SLC28A3: variants seen among roughly 807,000 people sequenced by gnomAD.
SLC28A3 encodes the protein concentrative Na(+)-nucleoside cotransporter 3.
Under a neutral mutation model 84.2 loss-of-function variants are expected in SLC28A3, and 68 were observed. The ratio of observed to expected loss-of-function variants is 0.81; its 90% CI spans 0.66 to 0.99. SLC28A3 has a LOEUF of 0.99. Ranked by LOEUF, SLC28A3 falls within the 50% of genes least tolerant of loss-of-function variation. The probability of loss-of-function intolerance (pLI) is 0.00; values close to 1 mark genes in which losing one functional copy is unlikely to be tolerated. For synonymous variants in SLC28A3, 267 were observed against 303.6 expected, an observed-to-expected ratio of 0.88 and a Z score of 1.25; for missense variants, 712 against 841.5, an observed-to-expected ratio of 0.85 and a Z score of 1.90.
chr9:84,317,719 G>T (rs11140518), intron 1 of SLC28A3, among the ~76,000 whole-genome samples: 16,148 of 152,180 alleles, frequency 0.11, 1,146 homozygotes, highest in East Asian at 0.36. Flanking sequence ...CTTGCTTCTT[G>T]TGGGAATGGA....
At chr9:84,319,486 G>C (rs1357094053) in intron 1 of SLC28A3, among the ~76,000 whole-genome samples, 1 of 152,074 alleles carries the variant, frequency 6.6e-6, no homozygotes, top group African/African-American at 2.4e-5. Context: ...GCAACATGGT[G>C]AACCCTTGTC....
chr9:84,292,170 T>G (rs1010636073), intron 10 of SLC28A3, among the ~76,000 whole-genome samples: 4 of 152,226 alleles, frequency 2.6e-5, no homozygotes, highest in Admixed American at 1.3e-4. Flanking sequence ...TTTCTTGGTC[T>G]CCTCCATTGC....
the SLC28A3 span, among the ~76,000 whole-genome samples, chr9:84,350,002 C>T: frequency 3.9e-5 from 6 of 152,212 alleles, no homozygotes; most frequent in East Asian, 1.9e-4. Context: ...TAGCCTAAAA[C>T]ACACCTAGGT....
At chr9:84,355,142 T>G in the SLC28A3 span, among the ~76,000 whole-genome samples, 7 of 152,088 alleles carry the variant, frequency 4.6e-5, no homozygotes, top group African/African-American at 1.7e-4. Context: ...GGAGCCAAAT[T>G]CACAGTGTGC....
the SLC28A3 span, among the ~76,000 whole-genome samples, chr9:84,346,044 T>C: frequency 6.6e-6 from 1 of 152,230 alleles, no homozygotes; most frequent in African/African-American, 2.4e-5. Context: ...AGAAATAGCT[T>C]GTGCCAAGAA....
At chr9:84,333,307 G>A (rs1826854865) in intron 1 of SLC28A3, among the ~76,000 whole-genome samples, 1 of 152,120 alleles carries the variant, frequency 6.6e-6, no homozygotes, top group South Asian at 2.1e-4. Flanking sequence ...GAATTTCCTT[G>A]TGGGCAAAAC....
At chr9:84,293,144 A>G (rs1564152056) in intron 9 of SLC28A3, among the ~76,000 whole-genome samples, 1 of 152,254 alleles carries the variant, frequency 6.6e-6, no homozygotes, top group Non-Finnish European at 1.5e-5. Flanking sequence ...CTATGTAATT[A>G]TACTCATTTT....
chr9:84,322,507 C>T (rs73466551), intron 1 of SLC28A3, among the ~76,000 whole-genome samples: 6,429 of 152,112 alleles, frequency 0.042, 431 homozygotes, highest in African/African-American at 0.15. Context: ...CTCTTCTTTC[C>T]AAAGAGTGCT....
chr9:84,335,234 C>G (rs572406250), intron 1 of SLC28A3, among the ~76,000 whole-genome samples: 70 of 152,242 alleles, frequency 4.6e-4, no homozygotes, highest in African/African-American at 1.6e-3. Flanking sequence ...AACTTTATTC[C>G]TAGATTTTCT....
intron 14 of SLC28A3, among the ~76,000 whole-genome samples, chr9:84,284,070 CT>C (rs1824878436): frequency 6.6e-6 from 1 of 152,168 alleles, no homozygotes; most frequent in African/African-American, 2.4e-5. Flanking sequence ...TCGTAATAAC[CT>C]TTCCACAAAA....
Position 84,278,162 on chromosome 9 carries a change from C to A in SLC28A3, c.*56G>T. On this transcript the variant is annotated 3_prime_UTR_variant, in exon 18 of 18. Coordinates refer to ENST00000376238, the MANE Select transcript of SLC28A3 (RefSeq NM_001199633.2). ...CAATAGCTTCTTTTTTTTTTCTTTCCAAAGCAGAAAATTCAGCATCTGTAC... is the reference window on the plus strand; with the variant it reads ...CAATAGCTTCTTTTTTTTTTCTTTCAAAAGCAGAAAATTCAGCATCTGTAC... 1.3e-6 allele frequency: 2 copies of A among 1,544,806 alleles called. No individual in the cohort carries two copies. Among genetic ancestry groups the A allele is most frequent in the South Asian group, 2.5e-5 (2 of 79,298 alleles).
chr9:84,342,657 A>T (rs116755905), upstream of SLC28A3, among the ~76,000 whole-genome samples: 1 of 151,836 alleles, frequency 6.6e-6, no homozygotes, highest in Non-Finnish European at 1.5e-5. Context: ...GGCTCAAGCA[A>T]TCTTCCCACC....
At chr9:84,319,340 A>G (rs1826283111) in intron 1 of SLC28A3, among the ~76,000 whole-genome samples, 2 of 152,134 alleles carry the variant, frequency 1.3e-5, no homozygotes, top group Admixed American at 1.3e-4. Context: ...TCTTCCTTAA[A>G]TACAGGGTTT....
At chr9:84,362,741 C>A in the SLC28A3 span, among the ~76,000 whole-genome samples, 3 of 152,004 alleles carry the variant, frequency 2.0e-5, no homozygotes, top group Admixed American at 2.0e-4. Flanking sequence ...ATGCCATGGA[C>A]CGCTTTGGCA....
chr9:84,290,791 A>T (rs1409275250), intron 10 of SLC28A3, among the ~76,000 whole-genome samples: 1 of 152,082 alleles, frequency 6.6e-6, no homozygotes, highest in Non-Finnish European at 1.5e-5. Flanking sequence ...GACAGACCCT[A>T]AACCTGTTTC....
Position 84,286,082 on chromosome 9 carries a change from G to A in SLC28A3, c.1310C>T (p.Thr437Ile), listed in dbSNP as rs746218528. 17 of 1,613,966 alleles carry A rather than the reference G, an allele frequency of 1.1e-5. No homozygotes were observed. Among genetic ancestry groups the A allele is most frequent in the Admixed American group, 1.7e-5 (1 of 59,996 alleles). The change falls in exon 13 of 18, where the codon ACA becomes ATA. Residue 437 changes from threonine (T) to isoleucine (I), a missense_variant. Coordinates refer to ENST00000376238, the MANE Select transcript of SLC28A3 (RefSeq NM_001199633.2). ...GGAGATGGAGGAGGATGCTCCCTGT[G>A]TTGCAGCTTCTAGAAGATTCCCTGA... ...GDSGNLLEAA[T>I]QGASSSISLV...
chr9:84,343,197 A>T (rs1451125756), upstream of SLC28A3, among the ~76,000 whole-genome samples: 5 of 151,714 alleles, frequency 3.3e-5, no homozygotes, highest in Non-Finnish European at 7.4e-5. Context: ...AAAAAAACAA[A>T]AGACAAAAAA....
intron 1 of SLC28A3, among the ~76,000 whole-genome samples, chr9:84,337,354 G>C (rs1299187229): frequency 6.6e-6 from 1 of 152,018 alleles, no homozygotes; most frequent in Non-Finnish European, 1.5e-5. Flanking sequence ...ACTGTTTTTA[G>C]GTGTGGGTGT....
At chr9:84,364,421 C>T in the SLC28A3 span, among the ~76,000 whole-genome samples, 1 of 152,114 alleles carries the variant, frequency 6.6e-6, no homozygotes, top group Non-Finnish European at 1.5e-5. Flanking sequence ...CAAGGTCTTG[C>T]TATGTTGCCC....
Sources: gnomAD v4.1 joint callset for allele counts (sites outside exome capture counted in the v4.1 genomes callset) on GRCh38, gnomAD v4.1.1 for gene constraint, MANE v1.5 for transcripts, NCBI Gene and HGNC (gene_info 2026-07-23, HGNC 2026-07-21) for gene names.